FUT9: variants seen among roughly 807,000 people sequenced by gnomAD.
FUT9 encodes the protein 4-galactosyl-N-acetylglucosaminide 3-alpha-L-fucosyltransferase 9.
A neutral mutation model predicts 29.7 loss-of-function variants in FUT9; 15 were observed. That is an observed-to-expected ratio of 0.51 (90% CI 0.34 to 0.78). FUT9 has a LOEUF of 0.78. Among genes scored for constraint, FUT9 ranks in the 30% least tolerant of loss-of-function variants. The pLI is 0.01. For missense variants in FUT9, 319 were observed against 425.4 expected (o/e 0.75, Z 2.20); for synonymous variants, 169 against 153.7 (o/e 1.10, Z -0.74).
At chr6:96,198,655 A>G (rs1162730379) in intron 2 of FUT9, among the ~76,000 whole-genome samples, 5 of 152,168 alleles carry the variant, frequency 3.3e-5, no homozygotes. Context: ...GCTGGGTCAA[A>G]TGGTATTTCT....
chr6:96,151,126 A>G (rs1189256521), intron 2 of FUT9, among the ~76,000 whole-genome samples: 1 of 152,186 alleles, frequency 6.6e-6, no homozygotes, highest in African/African-American at 2.4e-5. Flanking sequence ...AAAATGTTTT[A>G]ACCTGAAGTC....
At chr6:96,064,561 C>G (rs535515250) in intron 1 of FUT9, among the ~76,000 whole-genome samples, 38 of 151,952 alleles carry the variant, frequency 2.5e-4, no homozygotes, top group African/African-American at 8.9e-4. Context: ...TTGGAAGTAA[C>G]TTTTCTTTGG....
At chr6:96,146,385 T>C (rs1772568027) in intron 2 of FUT9, among the ~76,000 whole-genome samples, 1 of 152,204 alleles carries the variant, frequency 6.6e-6, no homozygotes, top group Non-Finnish European at 1.5e-5. Context: ...ATGATGCTGG[T>C]TACCTTTTAA....
chr6:96,203,389 C>A lies in FUT9; in HGVS notation c.234C>A (p.Asp78Glu), dbSNP rs1476788645. ...VWVWPFGQTF[D>E]LTSCQAMFNI... ...TGTGGCCATTTGGGCAGACCTTTGACCTTACATCCTGCCAAGCAATGTTCA... is the reference window on the plus strand; with the variant it reads ...TGTGGCCATTTGGGCAGACCTTTGAACTTACATCCTGCCAAGCAATGTTCA... Residue 78 changes from aspartate (D) to glutamate (E), a missense_variant, in exon 3 of 3, where the codon GAC becomes GAA. Physicochemically the swap from Asp to Glu is conservative, Grantham distance 45. Transcript: ENST00000302103. 6.2e-7 allele frequency: 1 copy of A among 1,611,308 alleles called. No homozygotes were observed. Among genetic ancestry groups the A allele is most frequent in the Non-Finnish European group, 8.5e-7 (1 of 1,178,252 alleles).
Position 96,051,995 on chromosome 6 carries a change from C to T in FUT9, c.-98+35783C>T, listed in dbSNP as rs1017388435. 5.7e-4 allele frequency among the ~76,000 whole-genome samples: 86 copies of T among 152,050 alleles called. 2 individuals are homozygous for T. On this transcript the variant is annotated intron_variant, in intron 1 of 2. Coordinates refer to ENST00000302103, the MANE Select transcript of FUT9 (RefSeq NM_006581.4). ...CTTCTTAAGCTGCTATGAAGAAATACCCAAGCCTGGGTCATTTATATAGAA... is the reference window on the plus strand; with the variant it reads ...CTTCTTAAGCTGCTATGAAGAAATATCCAAGCCTGGGTCATTTATATAGAA...
At chr6:96,173,203 C>T (rs1194746948) in intron 2 of FUT9, among the ~76,000 whole-genome samples, 1 of 151,426 alleles carries the variant, frequency 6.6e-6, no homozygotes, top group Non-Finnish European at 1.5e-5. Flanking sequence ...TCATTTAAGT[C>T]TTGCCTTAAG....
At chr6:96,127,094 G>T (rs1366753051) in intron 2 of FUT9, among the ~76,000 whole-genome samples, 2 of 152,118 alleles carry the variant, frequency 1.3e-5, no homozygotes, top group East Asian at 3.9e-4. Flanking sequence ...TAGGTAAATT[G>T]CATGTCTCAG....
chr6:96,145,618 G>A (rs190148994), intron 2 of FUT9, among the ~76,000 whole-genome samples: 127 of 152,252 alleles, frequency 8.3e-4, no homozygotes, highest in African/African-American at 3.0e-3. Context: ...GTCAAAGAAG[G>A]CCTCATTGTG....
intron 2 of FUT9, among the ~76,000 whole-genome samples, chr6:96,117,849 C>G (rs976289876): frequency 6.6e-6 from 1 of 152,096 alleles, no homozygotes; most frequent in Non-Finnish European, 1.5e-5. Flanking sequence ...CATTAAAAAA[C>G]TATTATTCAC....
intron 1 of FUT9, among the ~76,000 whole-genome samples, chr6:96,039,655 C>T (rs533435458): frequency 3.3e-5 from 5 of 152,196 alleles, no homozygotes; most frequent in South Asian, 2.1e-4. Flanking sequence ...TAGCCAAACC[C>T]GTACTTTCCT....
intron 1 of FUT9, among the ~76,000 whole-genome samples, chr6:96,071,282 A>G (rs570832033): frequency 1.6e-4 from 24 of 152,290 alleles, no homozygotes; most frequent in South Asian, 4.1e-4. Context: ...TAAGTGAGGA[A>G]GTATGTGGGG....
chr6:96,120,591 C>CTTTTT (rs57515226), intron 2 of FUT9, among the ~76,000 whole-genome samples: 1 of 55,312 alleles, frequency 1.8e-5, no homozygotes. Context: ...GCAAGACCAC[C>CTTTTT]TTTTTTTTTT....
chr6:96,064,539 C>T (rs950480339), intron 1 of FUT9, among the ~76,000 whole-genome samples: 8 of 152,046 alleles, frequency 5.3e-5, no homozygotes, highest in Admixed American at 1.3e-4. Flanking sequence ...GAACTTGGCA[C>T]AAAACCTCTA....
chr6:96,046,163 T>A (rs112986055), intron 1 of FUT9, among the ~76,000 whole-genome samples: 7 of 142,676 alleles, frequency 4.9e-5, no homozygotes, highest in African/African-American at 1.9e-4. Context: ...TTTTTTTTTT[T>A]AACTAGGACC....
intron 2 of FUT9, among the ~76,000 whole-genome samples, chr6:96,186,252 ATTGAAC>A (rs1773404602): frequency 6.6e-6 from 1 of 151,850 alleles, no homozygotes; most frequent in Non-Finnish European, 1.5e-5. Flanking sequence ...CTTATTGTAA[ATTGAAC>A]TTGAAGTTTC....
intron 1 of FUT9, among the ~76,000 whole-genome samples, chr6:96,097,998 G>A (rs1214270931): frequency 6.6e-6 from 1 of 151,902 alleles, no homozygotes; most frequent in African/African-American, 2.4e-5. Context: ...CAGGCTCCAG[G>A]TTAAGAACTC....
chr6:96,185,230 G>A (rs1370149334), intron 2 of FUT9, among the ~76,000 whole-genome samples: 1 of 151,846 alleles, frequency 6.6e-6, no homozygotes, highest in Admixed American at 6.6e-5. Flanking sequence ...AGGAAAGCAA[G>A]ACCAACATCA....
In FUT9 at chr6:96,205,214, AT is replaced by A. The variant is rs1366544227; in HGVS notation, c.*982del. ...TTGGCTCATAATGATGAGCCCTATC[AT>A]TTGATTTGAGTTCTATCATTTAAGA... On this transcript the variant is annotated 3_prime_UTR_variant, in exon 3 of 3. Coordinates refer to ENST00000302103, the MANE Select transcript of FUT9 (RefSeq NM_006581.4). The A allele has an allele frequency of 6.0e-6, 1 of 167,016 alleles. No individual in the cohort carries two copies. Among genetic ancestry groups the A allele is most frequent in the African/African-American group, 2.4e-5 (1 of 41,458 alleles). 10.3% of individuals were successfully genotyped at this position (167,016 alleles called of 1,614,324 possible). A position where few individuals can be genotyped will look rare whatever the true frequency, so the allele number is the denominator to read the frequency against.
intron 1 of FUT9, among the ~76,000 whole-genome samples, chr6:96,112,526 G>A (rs1330775820): frequency 6.6e-6 from 1 of 152,128 alleles, no homozygotes; most frequent in African/African-American, 2.4e-5. Context: ...TTTCTTTCAA[G>A]CATAGTCCAA....
Sources: allele counts gnomAD v4.1 joint callset (sites outside exome capture counted in the v4.1 genomes callset), GRCh38; gene constraint gnomAD v4.1.1; transcripts MANE v1.5; gene names NCBI Gene and HGNC (gene_info 2026-07-23, HGNC 2026-07-21).